RFX3: variants seen among roughly 807,000 people sequenced by gnomAD.
The protein encoded by RFX3 is regulatory factor X3.
In RFX3, 14 loss-of-function variants were observed where a neutral mutation model predicts 98.6. The observed-to-expected ratio is 0.14, with a 90% CI of 0.09 to 0.22. The LOEUF is 0.22. Among genes scored for constraint, RFX3 ranks in the 10% least tolerant of loss-of-function variants. The probability of loss-of-function intolerance (pLI) is 1.00; values close to 1 mark genes in which losing one functional copy is unlikely to be tolerated. For missense variants in RFX3, 639 were observed against 926.9 expected, an observed-to-expected ratio of 0.69 and a Z score of 4.03; for synonymous variants, 383 against 328.4, an observed-to-expected ratio of 1.17 and a Z score of -1.80.
intron 1 of RFX3, among the ~76,000 whole-genome samples, chr9:3,448,429 A>C (rs1032566890): frequency 2.0e-5 from 3 of 152,320 alleles, no homozygotes; most frequent in African/African-American, 7.2e-5. Flanking sequence ...CATTTGCTAC[A>C]TCAGCTGTAT....
At chr9:3,439,663 C>T (rs1165908233) in intron 1 of RFX3, among the ~76,000 whole-genome samples, 1 of 151,934 alleles carries the variant, frequency 6.6e-6, no homozygotes, top group African/African-American at 2.4e-5. Context: ...AACCTTCCCA[C>T]AAGGAAAACT....
intron 1 of RFX3, among the ~76,000 whole-genome samples, chr9:3,448,706 G>A (rs1846276657): frequency 1.3e-5 from 2 of 152,066 alleles, no homozygotes; most frequent in African/African-American, 4.8e-5. Context: ...TTTTTGTAAG[G>A]AAGGAATCTC....
intron 15 of RFX3, among the ~76,000 whole-genome samples, chr9:3,239,707 G>C (rs1819659048): frequency 6.6e-6 from 1 of 152,156 alleles, no homozygotes; most frequent in Non-Finnish European, 1.5e-5. Context: ...GCCAAAGCAA[G>C]AGGGGCCTTT....
intron 1 of RFX3, among the ~76,000 whole-genome samples, chr9:3,504,402 T>C (rs893005961): frequency 4.4e-5 from 6 of 136,862 alleles, no homozygotes; most frequent in Non-Finnish European, 9.2e-5. Context: ...ATATTGTATA[T>C]AAAATATATA....
Position 3,288,209 on chromosome 9 carries a change from G to C in RFX3, c.773C>G (p.Pro258Arg). Residue 258 changes from proline (P) to arginine (R), a missense_variant, in exon 7 of 17, where the codon CCA becomes CGA. This residue lies in a region of RFX3 where 24 missense variants were observed against 74.5 expected (regional missense o/e 0.32). Transcript: ENST00000617270. ...KYHYYGIRVK[P>R]DSPLNRLQED... Reference sequence around the variant, plus strand: ...TTGCAGACGATTAAGAGGGGAATCTGGCTTGACACGAATCCCATAGTAGTG... The same window carrying C: ...TTGCAGACGATTAAGAGGGGAATCTCGCTTGACACGAATCCCATAGTAGTG... 2 of 1,611,798 alleles carry C rather than the reference G, an allele frequency of 1.2e-6. No homozygotes were observed. The highest frequency in any genetic ancestry group is 1.7e-6 in the Non-Finnish European group (2 of 1,178,156).
Position 3,223,221 on chromosome 9 carries a change from G to C in RFX3, c.*1821C>G, listed in dbSNP as rs527675328. 3.9e-5 allele frequency: 6 copies of C among 152,062 alleles called. No homozygotes were observed. The South Asian group carries it at 1.2e-3, about 32-fold the overall frequency. 9.4% of individuals were successfully genotyped at this position (152,062 alleles called of 1,614,324 possible). A position where few individuals can be genotyped will look rare whatever the true frequency, so the allele number is the denominator to read the frequency against. On this transcript the variant is annotated 3_prime_UTR_variant, in exon 17 of 17. Coordinates refer to ENST00000617270, the MANE Select transcript of RFX3 (RefSeq NM_001282116.2). ...ATTAGTTTTTTACAACTATTTAAAT[G>C]AACAGATGTGCCTTTCTTGTGTTTT...
At chr9:3,339,792 A>G (rs1443598676) in intron 3 of RFX3, among the ~76,000 whole-genome samples, 1 of 152,200 alleles carries the variant, frequency 6.6e-6, no homozygotes, top group Non-Finnish European at 1.5e-5. Context: ...GCTCATGGGT[A>G]GGAAGAATCA....
chr9:3,409,074 A>G (rs187325548), intron 1 of RFX3, among the ~76,000 whole-genome samples: 12 of 152,334 alleles, frequency 7.9e-5, no homozygotes, highest in Admixed American at 5.9e-4. Flanking sequence ...AATTTACGTG[A>G]AAGTAAATAC....
intron 2 of RFX3, among the ~76,000 whole-genome samples, chr9:3,349,874 T>C (rs923158750): frequency 6.6e-6 from 1 of 152,104 alleles, no homozygotes; most frequent in Non-Finnish European, 1.5e-5. Context: ...GACTTGGAAT[T>C]ATGAAAAATT....
At chr9:3,246,043 G>C (rs1008261994) in intron 15 of RFX3, among the ~76,000 whole-genome samples, 3 of 152,142 alleles carry the variant, frequency 2.0e-5, no homozygotes, top group Non-Finnish European at 2.9e-5. Flanking sequence ...AGATCTATGA[G>C]AGCAAACAGG....
At chr9:3,402,129 A>G (rs1310317120) in intron 1 of RFX3, among the ~76,000 whole-genome samples, 1 of 152,206 alleles carries the variant, frequency 6.6e-6, no homozygotes, top group Non-Finnish European at 1.5e-5. Context: ...GACCTAATCA[A>G]TTACTTATCA....
chr9:3,444,543 A>T lies in RFX3; in HGVS notation c.-8-48947T>A, dbSNP rs116717577. Among the ~76,000 whole-genome samples the T allele has an allele frequency of 1.6e-3, 248 of 152,300 alleles. 1 individual carries two copies. The highest frequency in any genetic ancestry group is 5.7e-3 in the African/African-American group (239 of 41,568). On this transcript the variant is annotated intron_variant, in intron 1 of 16. Coordinates refer to ENST00000617270, the MANE Select transcript of RFX3 (RefSeq NM_001282116.2). ...ACAGCTATATACTACATCAGAACTT[A>T]TCAAATTAAAAGTTAACTATATGCA... is the stretch of plus-strand genomic sequence containing the variant.
intron 1 of RFX3, among the ~76,000 whole-genome samples, chr9:3,467,716 G>T (rs192955652): frequency 1.3e-5 from 2 of 152,110 alleles, no homozygotes; most frequent in African/African-American, 4.8e-5. Flanking sequence ...CCAAGTAAAA[G>T]CATATGCAAC....
chr9:3,441,738 A>G (rs1845628369), intron 1 of RFX3, among the ~76,000 whole-genome samples: 1 of 152,158 alleles, frequency 6.6e-6, no homozygotes, highest in African/African-American at 2.4e-5. Context: ...GAGAGAAGAG[A>G]TAAATATTTT....
chr9:3,378,301 G>C (rs1001670238), intron 2 of RFX3, among the ~76,000 whole-genome samples: 1 of 152,054 alleles, frequency 6.6e-6, no homozygotes, highest in Non-Finnish European at 1.5e-5. Flanking sequence ...CAATCTGTAA[G>C]CTATATGTGG....
At chr9:3,474,836 C>T (rs576687591) in intron 1 of RFX3, among the ~76,000 whole-genome samples, 33 of 152,282 alleles carry the variant, frequency 2.2e-4, no homozygotes, top group African/African-American at 7.0e-4. Flanking sequence ...GTGGCTCATG[C>T]CTGTAATCTC....
intron 4 of RFX3, among the ~76,000 whole-genome samples, chr9:3,310,288 A>G (rs1329245537): frequency 6.6e-6 from 1 of 152,184 alleles, no homozygotes; most frequent in East Asian, 1.9e-4. Context: ...CCCAAACAGA[A>G]TATCATATAT....
At chr9:3,462,034 ACTC>A (rs1206436954) in intron 1 of RFX3, among the ~76,000 whole-genome samples, 2 of 151,852 alleles carry the variant, frequency 1.3e-5, no homozygotes, top group African/African-American at 4.8e-5. Flanking sequence ...GTTGGGGTTT[ACTC>A]CTCCTGAAAA....
intron 4 of RFX3, among the ~76,000 whole-genome samples, chr9:3,305,307 T>C (rs1408497949): frequency 6.6e-6 from 1 of 152,040 alleles, no homozygotes; most frequent in East Asian, 1.9e-4. Context: ...CATTAAGGTT[T>C]TGAGGAAAGT....
Sources: allele counts gnomAD v4.1 joint callset (sites outside exome capture counted in the v4.1 genomes callset), GRCh38; gene constraint gnomAD v4.1.1; regional missense constraint gnomAD v4.1.1; transcripts MANE v1.5; gene names NCBI Gene and HGNC (gene_info 2026-07-23, HGNC 2026-07-21).